Variants in POLN observed in about 807,000 individuals in gnomAD.
POLN encodes the protein DNA polymerase N.
In POLN, 108 loss-of-function variants were observed where a neutral mutation model predicts 113.5. The ratio of observed to expected loss-of-function variants is 0.95; its 90% CI spans 0.81 to 1.12. The LOEUF is 1.12. Ranked by LOEUF, POLN falls within the 50% of genes most tolerant of loss-of-function variation. The pLI is 0.00. For missense variants in POLN, 1,097 were observed against 1,077.1 expected, an observed-to-expected ratio of 1.02 and a Z score of -0.26; for synonymous variants, 386 against 391.5, an observed-to-expected ratio of 0.99 and a Z score of 0.17.
At chr4:2,103,365 T>G (rs940115418) in intron 19 of POLN, among the ~76,000 whole-genome samples, 3 of 151,970 alleles carry the variant, frequency 2.0e-5, no homozygotes, top group Admixed American at 2.0e-4. Flanking sequence ...AAGAAAAAAT[T>G]TCAGAACTTG....
chr4:2,166,083 G>A (rs937085509), intron 13 of POLN, among the ~76,000 whole-genome samples: 4 of 152,216 alleles, frequency 2.6e-5, no homozygotes, highest in African/African-American at 9.6e-5. Context: ...GGCCATTAAA[G>A]TCTATTTTTA....
intron 20 of POLN, chr4:2,089,216 T>C (rs1041128165): frequency 3.7e-5 from 57 of 1,533,390 alleles, no homozygotes; most frequent in Middle Eastern, 1.7e-4. Flanking sequence ...ATCTGAGAGT[T>C]GTATACATCA....
chr4:2,240,275 C>G, intron 2 of POLN: 1 of 1,613,334 alleles, frequency 6.2e-7, no homozygotes, highest in Non-Finnish European at 8.5e-7. Context: ...CATGTATACC[C>G]TGAAAGAACT....
intron 15 of POLN, 53 bp downstream of exon 15, chr4:2,157,805 C>A: frequency 8.7e-7 from 1 of 1,151,416 alleles, no homozygotes; most frequent in East Asian, 2.7e-5. Flanking sequence ...TGTATCTGAA[C>A]TCATACAAAA....
intron 3 of POLN, among the ~76,000 whole-genome samples, chr4:2,225,295 T>A (rs916204780): frequency 1.3e-5 from 2 of 151,490 alleles, no homozygotes; most frequent in Admixed American, 6.6e-5. Context: ...TAAAAAAAAA[T>A]TTAAGAAAAA....
chr4:2,170,032 G>A (rs1373823777), intron 13 of POLN, among the ~76,000 whole-genome samples: 2 of 152,220 alleles, frequency 1.3e-5, no homozygotes, highest in African/African-American at 4.8e-5. Context: ...AGGGCCAGAG[G>A]AGACATCTTA....
chr4:2,138,618 T>A (rs898266562), intron 16 of POLN, among the ~76,000 whole-genome samples: 1 of 151,990 alleles, frequency 6.6e-6, no homozygotes, highest in East Asian at 1.9e-4. Context: ...AATGGTGAAA[T>A]CAGCCAGGCA....
intron 6 of POLN, among the ~76,000 whole-genome samples, chr4:2,194,745 G>A (rs147125614): frequency 2.7e-4 from 41 of 152,212 alleles, no homozygotes; most frequent in Middle Eastern, 3.4e-3. Context: ...TTAGCCAGGC[G>A]TGGTGGTGCA....
chr4:2,136,970 G>A (rs1052750294), intron 16 of POLN, among the ~76,000 whole-genome samples: 17 of 152,208 alleles, frequency 1.1e-4, no homozygotes, highest in Non-Finnish European at 1.9e-4. Context: ...CGCCCCACAC[G>A]TGCCAGGCTG....
At chr4:2,194,331 G>C (rs532674054) in intron 6 of POLN, among the ~76,000 whole-genome samples, 157 of 152,216 alleles carry the variant, frequency 1.0e-3, no homozygotes, top group African/African-American at 3.6e-3. Context: ...AAGAAATCAA[G>C]AGCCTAATGA....
rs1304282696 is a variant in POLN, at chr4:2,075,889, AG to A, written c.2388-371del. On this transcript the variant is annotated intron_variant, in intron 23 of 25. Transcript: ENST00000511885. ...TGGGTGCCCCGTGTCCGCCCCACCC[AG>A]GTTGGTCCCGTCTGAAGTCTGGGCA... 3.3e-5 allele frequency among the ~76,000 whole-genome samples: 5 copies of A among 152,244 alleles called. No homozygotes were observed. The South Asian group carries it at 6.2e-4, about 19-fold the overall frequency.
rs754217883 is a variant in POLN, at chr4:2,081,048, G to A, written c.2309-12C>T. 35 of 1,613,354 alleles carry A rather than the reference G, an allele frequency of 2.2e-5. No individual in the cohort carries two copies. Among genetic ancestry groups the A allele is most frequent in the African/African-American group, 8.0e-5 (6 of 74,900 alleles). ...GTCAGCAGCGGAGCCTATGGGGCGC[G>A]TGGTACTGTCTTGAGGTCCCATGGC... On this transcript the variant is annotated splice_polypyrimidine_tract_variant and intron_variant, in intron 22 of 25. Transcript: ENST00000511885.
intron 22 of POLN, 138 bp from the exon 23 acceptor site, chr4:2,081,174 A>G (rs1366407781): frequency 6.3e-7 from 1 of 1,593,838 alleles, no homozygotes; most frequent in African/African-American, 1.3e-5. Context: ...TGCCAGGGCC[A>G]CAGATGACTG....
intron 5 of POLN, among the ~76,000 whole-genome samples, chr4:2,202,133 C>A (rs1031044046): frequency 2.0e-5 from 3 of 151,388 alleles, no homozygotes; most frequent in African/African-American, 4.9e-5. Context: ...CAAAACAAAA[C>A]AAAAAAAACA....
intron 14 of POLN, 125 bp downstream of exon 14, chr4:2,159,030 A>G (rs1273322807): frequency 1.0e-5 from 8 of 765,764 alleles, no homozygotes; most frequent in Non-Finnish European, 1.8e-5. Context: ...ACCTGACAAA[A>G]CTCTATTCCC....
intron 4 of POLN, among the ~76,000 whole-genome samples, chr4:2,211,486 T>C (rs1460899831): frequency 1.3e-5 from 2 of 151,926 alleles, no homozygotes; most frequent in Admixed American, 1.3e-4. Context: ...GTACAGATAG[T>C]TTGAGAAGTC....
Position 2,192,912 on chromosome 4 carries a change from A to G in POLN, c.1021+292T>C, listed in dbSNP as rs35096323. 3.0e-3 allele frequency among the ~76,000 whole-genome samples: 451 copies of G among 152,184 alleles called. 3 individuals are homozygous for G. Among genetic ancestry groups the G allele is most frequent in the African/African-American group, 0.01 (429 of 41,562 alleles). Reference sequence around the variant, plus strand: ...CTCTGGACTGTAGTTTAATTCTTAGAAAGTTTATAAGCTATTTGTGGTAAC... The same window carrying G: ...CTCTGGACTGTAGTTTAATTCTTAGGAAGTTTATAAGCTATTTGTGGTAAC... On this transcript the variant is annotated intron_variant, in intron 7 of 25. Coordinates refer to ENST00000511885, the MANE Select transcript of POLN (RefSeq NM_181808.4).
At chr4:2,145,795 T>C (rs1201981650) in intron 16 of POLN, among the ~76,000 whole-genome samples, 1 of 152,150 alleles carries the variant, frequency 6.6e-6, no homozygotes, top group Non-Finnish European at 1.5e-5. Flanking sequence ...GGTGAGGTGC[T>C]AGAGAAACCC....
intron 3 of POLN, among the ~76,000 whole-genome samples, chr4:2,214,340 T>C (rs1734063328): frequency 6.6e-6 from 1 of 152,166 alleles, no homozygotes; most frequent in Admixed American, 6.5e-5. Flanking sequence ...ACAAAGATAG[T>C]ATTTCAATTC....
Sources: allele counts gnomAD v4.1 joint callset (sites outside exome capture counted in the v4.1 genomes callset), GRCh38; gene constraint gnomAD v4.1.1; transcripts MANE v1.5; gene names NCBI Gene and HGNC (gene_info 2026-07-23, HGNC 2026-07-21).